PTPRD: variants seen among roughly 807,000 people sequenced by gnomAD.
The protein encoded by PTPRD is protein tyrosine phosphatase receptor type D.
PTPRD carries 34 observed loss-of-function variants against 214.5 expected under a neutral mutation model. The observed-to-expected ratio is 0.16, with a 90% CI of 0.12 to 0.21. The LOEUF (loss-of-function observed/expected upper bound fraction) is 0.21. Ranked by LOEUF, PTPRD falls within the 10% of genes least tolerant of loss-of-function variation. PTPRD has a pLI of 1.00. For synonymous variants in PTPRD, 1,128 were observed against 845.7 expected (o/e 1.33, Z -5.79); for missense variants, 2,545 against 2,398.7 (o/e 1.06, Z -1.27).
chr9:9,258,573 C>G (rs2099978778), intron 9 of PTPRD, among the ~76,000 whole-genome samples: 1 of 151,806 alleles, frequency 6.6e-6, no homozygotes, highest in Non-Finnish European at 1.5e-5. Context: ...TTACATTGAA[C>G]AGTATAATCA....
At position 10,474,820 on chromosome 9, in the gene PTPRD, A is replaced by G. The variant is rs184212403; in HGVS notation, c.-599-133803T>C. On this transcript the variant is annotated intron_variant, in intron 2 of 45. Coordinates refer to ENST00000381196, the MANE Select transcript of PTPRD (RefSeq NM_002839.4). Reference sequence around the variant, plus strand: ...CAGTGCAATCAAATTAGAACTCAGAAGTAAGAAACTCACTCAAAACCACAG... The same window carrying G: ...CAGTGCAATCAAATTAGAACTCAGAGGTAAGAAACTCACTCAAAACCACAG... Among the ~76,000 whole-genome samples, 420 of 152,280 alleles carry G rather than the reference A, an allele frequency of 2.8e-3. 2 individuals are homozygous for G. The highest frequency in any genetic ancestry group is 9.5e-3 in the African/African-American group (396 of 41,572).
At chr9:9,212,184 A>C (rs1235863647) in intron 9 of PTPRD, among the ~76,000 whole-genome samples, 1 of 152,124 alleles carries the variant, frequency 6.6e-6, no homozygotes, top group East Asian at 1.9e-4. Flanking sequence ...GGTGAATTCC[A>C]TGTTCTTAGG....
rs557803639 is a variant in PTPRD, at chr9:9,600,841, G to A, written c.-286-26060C>T. On this transcript the variant is annotated intron_variant, in intron 7 of 45. Coordinates refer to ENST00000381196, the MANE Select transcript of PTPRD (RefSeq NM_002839.4). ...CTGGTCTGGCTTCTAAATAGTTGCT[G>A]TGATAAGGATGTGTCAACTAATAAC... 8.5e-5 allele frequency among the ~76,000 whole-genome samples: 13 copies of A among 152,156 alleles called. 1 individual carries two copies. The South Asian group carries it at 1.9e-3, about 22-fold the overall frequency.
intron 3 of PTPRD, among the ~76,000 whole-genome samples, chr9:10,183,794 C>A (rs2099314567): frequency 6.6e-6 from 1 of 152,012 alleles, no homozygotes; most frequent in Admixed American, 6.6e-5. Flanking sequence ...AAATCAAAGC[C>A]TTTTTAGTGA....
chr9:10,212,562 A>T (rs1163995638), intron 3 of PTPRD, among the ~76,000 whole-genome samples: 1 of 152,138 alleles, frequency 6.6e-6, no homozygotes. Context: ...CTATAGTTTA[A>T]AAGCTCCAAA....
At position 8,623,251 on chromosome 9, in the gene PTPRD, C is replaced by A. The variant is rs80243006; in HGVS notation, c.352+10066G>T. Among the ~76,000 whole-genome samples the A allele has an allele frequency of 9.4e-3, 1,423 of 152,020 alleles. 15 individuals are homozygous for A. Among genetic ancestry groups the A allele is most frequent in the African/African-American group, 0.032 (1,346 of 41,498 alleles). ...AAAACAAAGCCATGCCCTTATGGAA[C>A]TTCTAGTCTAAGCATGCAACTAACT... On this transcript the variant is annotated intron_variant, in intron 14 of 45. Coordinates refer to ENST00000381196, the MANE Select transcript of PTPRD (RefSeq NM_002839.4).
intron 9 of PTPRD, among the ~76,000 whole-genome samples, chr9:9,338,769 T>G (rs2045599527): frequency 6.6e-6 from 1 of 152,178 alleles, no homozygotes; most frequent in South Asian, 2.1e-4. Flanking sequence ...GGTATACACA[T>G]GCCATGGTGG....
At chr9:8,734,353 T>C (rs1453011025) in intron 11 of PTPRD, among the ~76,000 whole-genome samples, 1 of 152,256 alleles carries the variant, frequency 6.6e-6, no homozygotes, top group Non-Finnish European at 1.5e-5. Flanking sequence ...AGTTCCTCCA[T>C]GCAGGATAAA....
intron 2 of PTPRD, among the ~76,000 whole-genome samples, chr9:10,464,470 G>A (rs922000795): frequency 8.2e-5 from 12 of 146,488 alleles, no homozygotes; most frequent in African/African-American, 2.7e-4. Context: ...GAGAAAGGGA[G>A]GAAGGGAGAA....
chr9:9,088,581 G>GGAAAAAAA (rs2099770920), intron 10 of PTPRD, among the ~76,000 whole-genome samples: 2 of 33,036 alleles, frequency 6.1e-5, no homozygotes, highest in Admixed American at 7.9e-4. Context: ...CTTAGTCTCA[G>GGAAAAAAA]AAAAAAAAAA....
intron 5 of PTPRD, among the ~76,000 whole-genome samples, chr9:9,848,431 A>G (rs1411342753): frequency 6.6e-6 from 1 of 152,158 alleles, no homozygotes; most frequent in Non-Finnish European, 1.5e-5. Flanking sequence ...ATAGAAAAGA[A>G]CAAATAGGGA....
At chr9:8,916,896 A>T (rs1209328982) in intron 11 of PTPRD, among the ~76,000 whole-genome samples, 1 of 152,156 alleles carries the variant, frequency 6.6e-6, no homozygotes, top group Non-Finnish European at 1.5e-5. Context: ...TCTTTCTCAT[A>T]AAACCTCCTG....
intron 3 of PTPRD, among the ~76,000 whole-genome samples, chr9:10,232,493 C>G (rs990797430): frequency 2.0e-5 from 3 of 151,960 alleles, no homozygotes; most frequent in Admixed American, 1.3e-4. Context: ...AACAAAGCAT[C>G]ACTTCTACTA....
intron 12 of PTPRD, among the ~76,000 whole-genome samples, chr9:8,693,146 T>C (rs2097843661): frequency 6.6e-6 from 1 of 152,152 alleles, no homozygotes; most frequent in Admixed American, 6.5e-5. Flanking sequence ...CACCTGAAGG[T>C]TGAAGGTAAG....
chr9:9,572,564 TATATA>T (rs1342069922), intron 8 of PTPRD, among the ~76,000 whole-genome samples: 4 of 50,330 alleles, frequency 7.9e-5, no homozygotes. Context: ...TATATATGTA[TATATA>T]TATATATATA....
intron 5 of PTPRD, among the ~76,000 whole-genome samples, chr9:9,808,272 C>A (rs1237300167): frequency 6.6e-6 from 1 of 152,146 alleles, no homozygotes; most frequent in South Asian, 2.1e-4. Context: ...AATTGGAAGT[C>A]CCTACATCTT....
Position 8,507,499 on chromosome 9 carries a change from T to C in PTPRD, c.1544-65A>G, listed in dbSNP as rs1410090462. On this transcript the variant is annotated intron_variant, in intron 21 of 45. Transcript: ENST00000381196. ...AGGAGTATTCACAAAGTTCTTCCAT[T>C]AGCGTAACCTGCTTAAACCTTTCGA... 3.1e-6 allele frequency: 5 copies of C among 1,595,124 alleles called. No homozygotes were observed. The African/African-American group carries it at 4.0e-5, about 13-fold the overall frequency.
At position 8,608,525 on chromosome 9, in the gene PTPRD, C is replaced by G. The variant is rs1384001134; in HGVS notation, c.352+24792G>C. On this transcript the variant is annotated intron_variant, in intron 14 of 45. Coordinates refer to ENST00000381196, the MANE Select transcript of PTPRD (RefSeq NM_002839.4). ...TATATTCCAAGAGAGTCACTTAGAACCACTCAGAGACTCTCAGTGTCTCTC... is the reference window on the plus strand; with the variant it reads ...TATATTCCAAGAGAGTCACTTAGAAGCACTCAGAGACTCTCAGTGTCTCTC... Among the ~76,000 whole-genome samples the G allele has an allele frequency of 3.9e-5, 6 of 152,210 alleles. No homozygotes were observed. The East Asian group carries it at 7.8e-4, about 20-fold the overall frequency.
chr9:9,416,768 G>T (rs2077115607), intron 8 of PTPRD, among the ~76,000 whole-genome samples: 1 of 152,074 alleles, frequency 6.6e-6, no homozygotes, highest in South Asian at 2.1e-4. Flanking sequence ...GACACTACTT[G>T]GCCCGATGAC....
Sources: gnomAD v4.1 joint callset for allele counts (sites outside exome capture counted in the v4.1 genomes callset) on GRCh38, gnomAD v4.1.1 for gene constraint, MANE v1.5 for transcripts, NCBI Gene and HGNC (gene_info 2026-07-23, HGNC 2026-07-21) for gene names.